The following NR2F1-AS1 variants were observed in gnomAD, a reference collection of about 807,000 sequenced individuals.
NR2F1-AS1 encodes NR2F1 antisense RNA 1.
At chr5:93,541,676 C>T (rs1751953431) in intron 4 of NR2F1-AS1, among the ~76,000 whole-genome samples, 1 of 152,040 alleles carries the variant, frequency 6.6e-6, no homozygotes, top group Non-Finnish European at 1.5e-5. Flanking sequence ...CCTTCCACTA[C>T]CCCTTTATTA....
At chr5:93,584,897 C>T (rs1753199151), upstream of NR2F1-AS1, 1 of 146,328 alleles carries the variant, frequency 6.8e-6, no homozygotes. Context: ...CCCCGGGGCG[C>T]CCGGCGGGCC....
At chr5:93,581,755 CCTCTCCTCTCT>C (rs1753065074), upstream of NR2F1-AS1, among the ~76,000 whole-genome samples, 2 of 48,382 alleles carry the variant, frequency 4.1e-5, no homozygotes, top group African/African-American at 1.9e-4. Flanking sequence ...TCTCCCTCTC[CCTCTCCTCTCT>C]CCCTCTCCCT....
chr5:93,559,153 T>C (rs1438547017), intron 2 of NR2F1-AS1, among the ~76,000 whole-genome samples: 1 of 152,264 alleles, frequency 6.6e-6, no homozygotes, highest in African/African-American at 2.4e-5. Context: ...GTAACCACTT[T>C]TGTCAATGAT....
chr5:93,415,494 G>T (rs1279027794), intron 4 of NR2F1-AS1, among the ~76,000 whole-genome samples: 4 of 152,170 alleles, frequency 2.6e-5, no homozygotes, highest in Non-Finnish European at 5.9e-5. Flanking sequence ...AACATGGTGT[G>T]CATTAGAATG....
intron 4 of NR2F1-AS1, among the ~76,000 whole-genome samples, chr5:93,434,469 CT>C (rs1260877837): frequency 6.6e-6 from 1 of 152,136 alleles, no homozygotes; most frequent in Non-Finnish European, 1.5e-5. Context: ...CCCCTTCCCC[CT>C]CTCTTCTCTA....
At chr5:93,486,577 A>T (rs987747170) in intron 4 of NR2F1-AS1, among the ~76,000 whole-genome samples, 13 of 152,194 alleles carry the variant, frequency 8.5e-5, no homozygotes, top group Admixed American at 7.9e-4. Context: ...ACCAATAACA[A>T]GTTCTGAAAT....
At chr5:93,499,759 T>C (rs1751039607) in intron 4 of NR2F1-AS1, among the ~76,000 whole-genome samples, 1 of 152,092 alleles carries the variant, frequency 6.6e-6, no homozygotes, top group South Asian at 2.1e-4. Flanking sequence ...AAGTTACGAA[T>C]GTAAAGTAAA....
At chr5:93,487,138 T>C (rs1286673505) in intron 4 of NR2F1-AS1, among the ~76,000 whole-genome samples, 1 of 152,106 alleles carries the variant, frequency 6.6e-6, no homozygotes, top group Non-Finnish European at 1.5e-5. Context: ...ACAGCCAATA[T>C]CATACTGAAT....
intron 4 of NR2F1-AS1, among the ~76,000 whole-genome samples, chr5:93,464,953 G>A (rs1750194036): frequency 6.6e-6 from 1 of 152,218 alleles, no homozygotes; most frequent in Admixed American, 6.5e-5. Flanking sequence ...AGCGCAAGCT[G>A]TTCCTGAATA....
chr5:93,428,320 A>T (rs540040012), intron 4 of NR2F1-AS1, among the ~76,000 whole-genome samples: 1 of 152,342 alleles, frequency 6.6e-6, no homozygotes, highest in East Asian at 1.9e-4. Context: ...ACTTTATTTC[A>T]TTAGACACCA....
At chr5:93,556,142 C>A (rs1752349550) in intron 2 of NR2F1-AS1, among the ~76,000 whole-genome samples, 1 of 152,102 alleles carries the variant, frequency 6.6e-6, no homozygotes. Context: ...CACTCTCTGG[C>A]CCCGAATGCC....
chr5:93,547,671 G>A (rs1003692942), intron 4 of NR2F1-AS1, among the ~76,000 whole-genome samples: 1 of 152,010 alleles, frequency 6.6e-6, no homozygotes. Context: ...GCCTAAGCAA[G>A]AGAAATAAAG....
intron 4 of NR2F1-AS1, among the ~76,000 whole-genome samples, chr5:93,489,179 T>C (rs1034518204): frequency 1.3e-5 from 2 of 151,488 alleles, no homozygotes; most frequent in African/African-American, 2.4e-5. Context: ...CAAACCACCA[T>C]GGCAAGTGTA....
In NR2F1-AS1 at chr5:93,429,183, T is replaced by A. The variant is rs76448876; in HGVS notation, n.639-33641A>T. Among the ~76,000 whole-genome samples, 812 of 152,278 alleles carry A rather than the reference T, an allele frequency of 5.3e-3. 7 individuals carry two copies. Among genetic ancestry groups the A allele is most frequent in the Middle Eastern group, 0.014 (4 of 294 alleles). On this transcript the variant is annotated intron_variant and non_coding_transcript_variant, in intron 4 of 5. Coordinates refer to ENST00000660523, the Ensembl canonical transcript of NR2F1-AS1. ...TATACTCATTCTTGGTACTCTTATA[T>A]GTATGTGGTTCTTTTACTTTATTTT...
At chr5:93,422,899 G>C (rs182334130) in intron 4 of NR2F1-AS1, among the ~76,000 whole-genome samples, 1 of 152,142 alleles carries the variant, frequency 6.6e-6, no homozygotes, top group African/African-American at 2.4e-5. Flanking sequence ...AATGGGAAAG[G>C]GACTAAGGTG....
At chr5:93,492,680 C>G (rs1750876290) in intron 4 of NR2F1-AS1, among the ~76,000 whole-genome samples, 2 of 152,064 alleles carry the variant, frequency 1.3e-5, no homozygotes, top group Admixed American at 1.3e-4. Flanking sequence ...TTTAAAAACA[C>G]ATACACCACG....
At chr5:93,581,016 G>C (rs568585919), upstream of NR2F1-AS1, 1 of 152,366 alleles carries the variant, frequency 6.6e-6, no homozygotes, top group African/African-American at 2.4e-5. Context: ...CTAAGCGGTC[G>C]CCGACTCCCG....
At chr5:93,415,676 AG>A (rs1371324750) in intron 4 of NR2F1-AS1, among the ~76,000 whole-genome samples, 1 of 152,212 alleles carries the variant, frequency 6.6e-6, no homozygotes, top group African/African-American at 2.4e-5. Flanking sequence ...GGAAAGTCAA[AG>A]GCACATTGCC....
chr5:93,447,039 T>C (rs534235728), intron 4 of NR2F1-AS1, among the ~76,000 whole-genome samples: 1 of 152,130 alleles, frequency 6.6e-6, no homozygotes, highest in Admixed American at 6.6e-5. Context: ...TTACATCTTA[T>C]ACAAAAATTA....
Sources: allele counts gnomAD v4.1 joint callset (sites outside exome capture counted in the v4.1 genomes callset), GRCh38; gene constraint gnomAD v4.1.1; transcripts MANE v1.5; gene names NCBI Gene and HGNC (gene_info 2026-07-23, HGNC 2026-07-21).